PDE1C: variants seen among roughly 807,000 people sequenced by gnomAD.
PDE1C encodes dual specificity calcium/calmodulin-dependent 3',5'-cyclic nucleotide phosphodiesterase 1C.
A neutral mutation model predicts 93.1 loss-of-function variants in PDE1C; 62 were observed. That is an observed-to-expected ratio of 0.67 (90% CI 0.54 to 0.82). The LOEUF (loss-of-function observed/expected upper bound fraction) is 0.82. PDE1C is among the 40% of genes least tolerant of loss of function. The probability of loss-of-function intolerance (pLI) is 0.00; values close to 1 mark genes in which losing one functional copy is unlikely to be tolerated. For synonymous variants in PDE1C, 325 were observed against 310.1 expected (o/e 1.05, Z -0.50); for missense variants, 742 against 884.6 (o/e 0.84, Z 2.04).
At chr7:32,173,026 T>G (rs1802755549) in intron 2 of PDE1C, among the ~76,000 whole-genome samples, 1 of 152,088 alleles carries the variant, frequency 6.6e-6, no homozygotes, top group African/African-American at 2.4e-5. Context: ...CCCAAAGGAA[T>G]ATAAATCATT....
At chr7:32,211,708 A>C (rs183325358) in intron 1 of PDE1C, among the ~76,000 whole-genome samples, 3,183 of 152,116 alleles carry the variant, frequency 0.021, 121 homozygotes, top group African/African-American at 0.072. Flanking sequence ...CCATTTAGAC[A>C]CCGCAAATGT....
At chr7:32,024,468 T>C (rs1243397675) in intron 2 of PDE1C, among the ~76,000 whole-genome samples, 1 of 151,730 alleles carries the variant, frequency 6.6e-6, no homozygotes, top group Non-Finnish European at 1.5e-5. Context: ...TCAAGAAGTA[T>C]TCATTCTCTT....
At chr7:32,151,772 A>T (rs1584863537) in intron 3 of PDE1C, among the ~76,000 whole-genome samples, 1 of 152,196 alleles carries the variant, frequency 6.6e-6, no homozygotes, top group African/African-American at 2.4e-5. Context: ...AAGAGGCAGG[A>T]AGAAGGAGTT....
the PDE1C span, among the ~76,000 whole-genome samples, chr7:31,736,108 A>G: frequency 6.6e-6 from 1 of 152,202 alleles, no homozygotes; most frequent in Non-Finnish European, 1.5e-5. Context: ...TAGTACCCAC[A>G]AATACAAAGG....
intron 15 of PDE1C, among the ~76,000 whole-genome samples, chr7:31,812,058 G>C (rs562710614): frequency 6.6e-6 from 1 of 152,128 alleles, no homozygotes; most frequent in African/African-American, 2.4e-5. Context: ...CAATAAACAA[G>C]GGGAAGTGAA....
At chr7:32,071,297 C>G (rs1193614520), upstream of PDE1C, 2 of 985,384 alleles carry the variant, frequency 2.0e-6, no homozygotes, top group Non-Finnish European at 2.4e-6. Context: ...CGAGGCTTCG[C>G]GGAGGTTGGG....
intron 2 of PDE1C, among the ~76,000 whole-genome samples, chr7:32,178,388 C>T (rs1269661371): frequency 6.6e-6 from 1 of 152,156 alleles, no homozygotes; most frequent in Non-Finnish European, 1.5e-5. Context: ...TCCAGGGGCA[C>T]TGGAAAGGTC....
chr7:32,283,173 G>A (rs1421741829), intron 1 of PDE1C, among the ~76,000 whole-genome samples: 1 of 152,042 alleles, frequency 6.6e-6, no homozygotes, highest in East Asian at 1.9e-4. Flanking sequence ...CAACAATAGA[G>A]GACCAGCTAA....
At chr7:31,904,047 TGTAGAACA>T (rs1800293608) in intron 2 of PDE1C, among the ~76,000 whole-genome samples, 1 of 152,182 alleles carries the variant, frequency 6.6e-6, no homozygotes, top group South Asian at 2.1e-4. Flanking sequence ...CACATATGTA[TGTAGAACA>T]GTGAACTTTG....
chr7:31,822,703 C>T (rs933750805), intron 14 of PDE1C, among the ~76,000 whole-genome samples: 3 of 152,038 alleles, frequency 2.0e-5, no homozygotes, highest in African/African-American at 4.8e-5. Flanking sequence ...TGGCTATTAG[C>T]GGGTCTTTAC....
chr7:31,997,140 A>C (rs981589291), intron 2 of PDE1C, among the ~76,000 whole-genome samples: 1 of 152,260 alleles, frequency 6.6e-6, no homozygotes, highest in Non-Finnish European at 1.5e-5. Flanking sequence ...GAAGCAAGTT[A>C]GTACAGAAGT....
chr7:31,846,691 C>G (rs1258767489), intron 9 of PDE1C, among the ~76,000 whole-genome samples: 1 of 152,086 alleles, frequency 6.6e-6, no homozygotes, highest in Non-Finnish European at 1.5e-5. Context: ...AGTGAATGGG[C>G]AACCTACATA....
intron 1 of PDE1C, among the ~76,000 whole-genome samples, chr7:32,376,555 T>TTCTC (rs1469381570): frequency 6.6e-6 from 1 of 152,166 alleles, no homozygotes; most frequent in Non-Finnish European, 1.5e-5. Context: ...CCTCTACCTT[T>TTCTC]TCTCTCCCCT....
chr7:32,074,610 A>G (rs989679133), upstream of PDE1C, among the ~76,000 whole-genome samples: 3 of 152,336 alleles, frequency 2.0e-5, no homozygotes, highest in South Asian at 2.1e-4. Flanking sequence ...AAAGAGGTAT[A>G]TAATAGAGAA....
chr7:32,122,083 C>A (rs1297140592), intron 3 of PDE1C, among the ~76,000 whole-genome samples: 1 of 152,016 alleles, frequency 6.6e-6, no homozygotes, highest in Non-Finnish European at 1.5e-5. Context: ...TAGTCTCTGA[C>A]CAAACAGACT....
chr7:31,951,026 C>A (rs192392084), intron 2 of PDE1C, among the ~76,000 whole-genome samples: 1 of 152,172 alleles, frequency 6.6e-6, no homozygotes, highest in Non-Finnish European at 1.5e-5. Context: ...CTCTTCTTGG[C>A]TTGTAGATGG....
intron 17 of PDE1C, among the ~76,000 whole-genome samples, chr7:31,758,373 C>G (rs1794610456): frequency 6.6e-6 from 1 of 152,108 alleles, no homozygotes; most frequent in Non-Finnish European, 1.5e-5. Context: ...CCCATACTCC[C>G]AAGTATGCCT....
chr7:32,128,887 T>C (rs1242426588), intron 3 of PDE1C, among the ~76,000 whole-genome samples: 1 of 125,180 alleles, frequency 8.0e-6, no homozygotes, highest in East Asian at 2.3e-4. Flanking sequence ...ACATGTACCC[T>C]AGAACTTAAA....
intron 1 of PDE1C, among the ~76,000 whole-genome samples, chr7:32,228,144 C>T (rs1807430843): frequency 1.3e-5 from 2 of 152,250 alleles, no homozygotes; most frequent in Non-Finnish European, 1.5e-5. Context: ...GTTTGTTACT[C>T]AGCAATAGAT....
Sources: gnomAD v4.1 joint callset for allele counts (sites outside exome capture counted in the v4.1 genomes callset) on GRCh38, gnomAD v4.1.1 for gene constraint, MANE v1.5 for transcripts, NCBI Gene and HGNC (gene_info 2026-07-23, HGNC 2026-07-21) for gene names.